HSD17B12: variants seen among roughly 807,000 people sequenced by gnomAD.
HSD17B12 encodes hydroxysteroid 17-beta dehydrogenase 12, also known as very-long-chain 3-oxoacyl-CoA reductase.
Under a neutral mutation model 39.3 loss-of-function variants are expected in HSD17B12, and 32 were observed. The observed-to-expected ratio is 0.81, with a 90% confidence interval of 0.61 to 1.09. The LOEUF is 1.09. Among genes scored for constraint, HSD17B12 ranks in the 50% least tolerant of loss-of-function variants. The pLI, the probability that HSD17B12 is intolerant of heterozygous loss-of-function variation, is 0.00. For missense variants in HSD17B12, 342 were observed against 382.9 expected (o/e 0.89, Z 0.89); for synonymous variants, 150 against 146.7 (o/e 1.02, Z -0.16).
At chr11:43,631,097 G>A in the HSD17B12 span, among the ~76,000 whole-genome samples, 4 of 152,084 alleles carry the variant, frequency 2.6e-5, no homozygotes, top group South Asian at 2.1e-4. Flanking sequence ...GAGCCATAGC[G>A]CCCGACCAAT....
chr11:43,840,735 C>T (rs1375254632), intron 9 of HSD17B12, among the ~76,000 whole-genome samples: 1 of 152,148 alleles, frequency 6.6e-6, no homozygotes, highest in African/African-American at 2.4e-5. Context: ...AATAAAATGC[C>T]ATTGTATATA....
intron 1 of HSD17B12, among the ~76,000 whole-genome samples, chr11:43,730,894 T>C (rs1337929452): frequency 6.6e-6 from 1 of 152,194 alleles, no homozygotes; most frequent in Non-Finnish European, 1.5e-5. Flanking sequence ...AGAATAGCTT[T>C]CTAAATCTCA....
the HSD17B12 span, among the ~76,000 whole-genome samples, chr11:43,587,483 C>CT: frequency 1.3e-5 from 2 of 151,974 alleles, no homozygotes; most frequent in African/African-American, 2.4e-5. Flanking sequence ...TTTAGTTGTT[C>CT]TTTTTTTTCC....
chr11:43,565,625 G>A, the HSD17B12 span, among the ~76,000 whole-genome samples: 1 of 152,138 alleles, frequency 6.6e-6, no homozygotes, highest in South Asian at 2.1e-4. Context: ...TTAAGGTACA[G>A]GACCTAAAGA....
chr11:43,639,855 A>T, the HSD17B12 span, among the ~76,000 whole-genome samples: 1 of 152,158 alleles, frequency 6.6e-6, no homozygotes, highest in African/African-American at 2.4e-5. Flanking sequence ...TGCGGTTGGC[A>T]TTCTTTCTTG....
intron 1 of HSD17B12, among the ~76,000 whole-genome samples, chr11:43,695,108 C>T (rs987050552): frequency 5.3e-5 from 8 of 150,788 alleles, no homozygotes; most frequent in Non-Finnish European, 7.4e-5. Flanking sequence ...ATTGCTTGAG[C>T]CTGGGAGACA....
intron 3 of HSD17B12, among the ~76,000 whole-genome samples, chr11:43,770,180 G>A (rs1016304894): frequency 3.6e-4 from 55 of 152,226 alleles, no homozygotes; most frequent in African/African-American, 1.3e-3. Context: ...GACAAATTTT[G>A]TTGAGCTGAT....
chr11:43,623,150 G>A, the HSD17B12 span, among the ~76,000 whole-genome samples: 1 of 152,208 alleles, frequency 6.6e-6, no homozygotes, highest in Admixed American at 6.5e-5. Context: ...ATGGTTTTTA[G>A]ATCTTGTGAC....
chr11:43,649,375 A>T, the HSD17B12 span, among the ~76,000 whole-genome samples: 1 of 152,102 alleles, frequency 6.6e-6, no homozygotes, highest in Admixed American at 6.6e-5. Flanking sequence ...ATCCTAACAG[A>T]TTTTTAAAAG....
the HSD17B12 span, among the ~76,000 whole-genome samples, chr11:43,624,164 T>C: frequency 6.6e-6 from 1 of 151,986 alleles, no homozygotes; most frequent in African/African-American, 2.4e-5. Flanking sequence ...CTCTGCGAGT[T>C]TGAAGAGGGC....
chr11:43,808,149 G>T (rs1001963635), intron 4 of HSD17B12, among the ~76,000 whole-genome samples: 2 of 152,192 alleles, frequency 1.3e-5, no homozygotes, highest in African/African-American at 4.8e-5. Flanking sequence ...GCTTAAGAGG[G>T]TGGTGAGAAA....
chr11:43,687,903 A>C (rs1353209071), intron 1 of HSD17B12, among the ~76,000 whole-genome samples: 1 of 152,220 alleles, frequency 6.6e-6, no homozygotes, highest in Non-Finnish European at 1.5e-5. Flanking sequence ...AAACTCAGTT[A>C]AAATTGCCTT....
rs1951111277 is a variant in HSD17B12, at chr11:43,815,291, A to G, written c.392-146A>G. ...TTTTAAGGATAGATTTTGGACAGAA[A>G]GGTGTGGAAAAGGTTATGCTAGCCA... On this transcript the variant is annotated intron_variant, in intron 4 of 10. Transcript: ENST00000278353. The G allele has an allele frequency of 1.1e-5, 5 of 438,284 alleles. No individual in the cohort carries two copies. In the South Asian group the frequency reaches 2.7e-4, roughly 24 times the overall value. 27.1% of individuals were successfully genotyped at this position (438,284 alleles called of 1,614,324 possible). A position where few individuals can be genotyped will look rare whatever the true frequency, so the allele number is the denominator to read the frequency against.
At chr11:43,755,154 A>G (rs1049178682) in intron 3 of HSD17B12, 9 of 303,722 alleles carry the variant, frequency 3.0e-5, no homozygotes, top group Middle Eastern at 8.5e-4. Flanking sequence ...AAAATGATGA[A>G]CTATTAGTGT....
chr11:43,643,570 C>T, the HSD17B12 span, among the ~76,000 whole-genome samples: 1 of 151,974 alleles, frequency 6.6e-6, no homozygotes, highest in Non-Finnish European at 1.5e-5. Context: ...GAAAGGGAAA[C>T]CAAAGTATAT....
intron 3 of HSD17B12, among the ~76,000 whole-genome samples, chr11:43,786,197 C>T (rs1325481633): frequency 2.6e-5 from 4 of 152,126 alleles, no homozygotes; most frequent in African/African-American, 7.2e-5. Flanking sequence ...CAACTCACGA[C>T]TCAATTGCAC....
the HSD17B12 span, chr11:43,644,233 C>T: frequency 6.6e-6 from 1 of 152,280 alleles, no homozygotes; most frequent in Non-Finnish European, 1.5e-5. Context: ...GTCGTAAAAG[C>T]CTGCTTTCTT....
At chr11:43,769,797 G>A (rs1950632185) in intron 3 of HSD17B12, among the ~76,000 whole-genome samples, 1 of 152,190 alleles carries the variant, frequency 6.6e-6, no homozygotes, top group Admixed American at 6.5e-5. Context: ...CCAGCAATGT[G>A]GGGGCCACCC....
chr11:43,628,734 C>T, the HSD17B12 span, among the ~76,000 whole-genome samples: 5 of 151,610 alleles, frequency 3.3e-5, no homozygotes, highest in Non-Finnish European at 7.4e-5. Context: ...TTGTATATGC[C>T]ACAGATATTC....
Sources: gnomAD v4.1 joint callset for allele counts (sites outside exome capture counted in the v4.1 genomes callset) on GRCh38, gnomAD v4.1.1 for gene constraint, MANE v1.5 for transcripts, NCBI Gene and HGNC (gene_info 2026-07-23, HGNC 2026-07-21) for gene names.